The following PDE4B variants were observed in gnomAD, a reference collection of about 807,000 sequenced individuals.
The protein encoded by PDE4B is 3',5'-cyclic-AMP phosphodiesterase 4B.
Under a neutral mutation model 82.2 loss-of-function variants are expected in PDE4B, and 20 were observed. The ratio of observed to expected loss-of-function variants is 0.24; its 90% CI spans 0.17 to 0.35. The LOEUF (loss-of-function observed/expected upper bound fraction) is 0.35, where lower values mean the gene tolerates loss of function less well. Among genes scored for constraint, PDE4B ranks in the 10% least tolerant of loss-of-function variants. The pLI, the probability that PDE4B is intolerant of heterozygous loss-of-function variation, is 1.00. For missense variants in PDE4B, 655 were observed against 907.2 expected, an observed-to-expected ratio of 0.72 and a Z score of 3.57; for synonymous variants, 320 against 318.9, an observed-to-expected ratio of 1.00 and a Z score of -0.04.
chr1:65,886,005 G>A (rs564271386), intron 1 of PDE4B, among the ~76,000 whole-genome samples: 1 of 151,300 alleles, frequency 6.6e-6, no homozygotes, highest in East Asian at 1.9e-4. Context: ...TTGAATTGAG[G>A]TATGTGCTCT....
chr1:66,157,488 T>C (rs1285193247), intron 3 of PDE4B, among the ~76,000 whole-genome samples: 1 of 152,224 alleles, frequency 6.6e-6, no homozygotes, highest in Admixed American at 6.5e-5. Flanking sequence ...TCAAACTTAG[T>C]TCTACCTTAA....
intron 8 of PDE4B, among the ~76,000 whole-genome samples, chr1:66,352,455 A>T (rs1180778689): frequency 2.0e-5 from 3 of 152,196 alleles, no homozygotes; most frequent in Non-Finnish European, 4.4e-5. Context: ...GTGATTGACA[A>T]TGTATCCCAA....
chr1:66,185,930 C>G (rs976317401), intron 3 of PDE4B, among the ~76,000 whole-genome samples: 1 of 152,160 alleles, frequency 6.6e-6, no homozygotes, highest in Non-Finnish European at 1.5e-5. Context: ...TCTTGAATGG[C>G]ATTGCCTAGG....
chr1:66,324,093 G>C (rs1404088998), intron 7 of PDE4B, among the ~76,000 whole-genome samples: 1 of 152,128 alleles, frequency 6.6e-6, no homozygotes, highest in East Asian at 1.9e-4. Context: ...TAAGGGTAAG[G>C]ACATTAAAAG....
chr1:65,951,078 C>T (rs1484616271), intron 3 of PDE4B, among the ~76,000 whole-genome samples: 2 of 152,074 alleles, frequency 1.3e-5, no homozygotes, highest in African/African-American at 2.4e-5. Flanking sequence ...AATAGCATCT[C>T]TCTTCCTGGT....
Position 65,918,705 on chromosome 1 carries a change from C to A in PDE4B, c.151C>A (p.Gln51Lys), listed in dbSNP as rs1000537151. Residue 51 changes from glutamine (Q) to lysine (K), a missense_variant, in exon 3 of 17, where the codon CAG becomes AAG. Coordinates refer to ENST00000341517, the MANE Select transcript of PDE4B (RefSeq NM_002600.4). ...GAGAAGGTGTTGCTCAGGAAACTTACAGTTACCACCACTGTCTCAAAGACA... is the reference window on the plus strand; with the variant it reads ...GAGAAGGTGTTGCTCAGGAAACTTAAAGTTACCACCACTGTCTCAAAGACA... Reference protein sequence around the residue: ...RGRRCCSGNLQLPPLSQRQSE... With the variant: ...RGRRCCSGNLKLPPLSQRQSE... 4.3e-6 allele frequency: 7 copies of A among 1,612,444 alleles called. No individual in the cohort carries two copies. The South Asian group carries it at 7.7e-5, about 18-fold the overall frequency.
intron 3 of PDE4B, among the ~76,000 whole-genome samples, chr1:66,180,505 A>G (rs1308299317): frequency 6.6e-6 from 1 of 152,234 alleles, no homozygotes; most frequent in African/African-American, 2.4e-5. Context: ...AGCTCAAGTC[A>G]GGGAACTGTT....
chr1:65,922,136 T>C (rs986710642), intron 3 of PDE4B, among the ~76,000 whole-genome samples: 2 of 152,222 alleles, frequency 1.3e-5, no homozygotes, highest in African/African-American at 2.4e-5. Flanking sequence ...CCCAGTTTTA[T>C]TGGGTGACTT....
intron 1 of PDE4B, among the ~76,000 whole-genome samples, chr1:65,844,045 C>A (rs1646239965): frequency 6.6e-6 from 1 of 152,066 alleles, no homozygotes; most frequent in African/African-American, 2.4e-5. Context: ...TTCTGTTTGA[C>A]CTTCAGAGAA....
At chr1:66,094,777 T>C (rs973194306) in intron 3 of PDE4B, among the ~76,000 whole-genome samples, 2 of 152,034 alleles carry the variant, frequency 1.3e-5, no homozygotes, top group Non-Finnish European at 2.9e-5. Context: ...TAGGGCCAGC[T>C]GGCATTCTAA....
chr1:66,052,060 C>T (rs903693458), intron 3 of PDE4B, among the ~76,000 whole-genome samples: 4 of 152,162 alleles, frequency 2.6e-5, no homozygotes, highest in Admixed American at 2.0e-4. Flanking sequence ...CCTGCTTCTT[C>T]CTCATCCCTT....
chr1:66,026,428 C>T (rs752207751), intron 3 of PDE4B, among the ~76,000 whole-genome samples: 12 of 152,162 alleles, frequency 7.9e-5, no homozygotes, highest in South Asian at 2.1e-4. Context: ...AGCATAGCTT[C>T]GGGATTAAGC....
chr1:66,252,640 C>T (rs928918393), intron 4 of PDE4B, among the ~76,000 whole-genome samples: 9 of 152,242 alleles, frequency 5.9e-5, no homozygotes, highest in African/African-American at 1.9e-4. Flanking sequence ...ATGGCTTTTG[C>T]GCCATTGTGA....
chr1:66,209,190 A>G (rs1649815520), intron 3 of PDE4B, among the ~76,000 whole-genome samples: 2 of 152,346 alleles, frequency 1.3e-5, no homozygotes, highest in Non-Finnish European at 2.9e-5. Context: ...AATTGCTAAT[A>G]TCTGCTTTGC....
intron 1 of PDE4B, among the ~76,000 whole-genome samples, chr1:65,812,261 T>A (rs945223067): frequency 7.2e-5 from 11 of 152,210 alleles, no homozygotes; most frequent in Non-Finnish European, 1.6e-4. Flanking sequence ...GCTTTCAGTT[T>A]CTGCTCTGAG....
chr1:66,190,924 G>A (rs549497547), intron 3 of PDE4B, among the ~76,000 whole-genome samples: 22 of 152,192 alleles, frequency 1.4e-4, no homozygotes, highest in Non-Finnish European at 2.2e-4. Flanking sequence ...CGTCTTCTGC[G>A]TCACTCACGC....
chr1:66,129,817 A>G (rs1645903443), intron 3 of PDE4B, among the ~76,000 whole-genome samples: 1 of 152,192 alleles, frequency 6.6e-6, no homozygotes, highest in African/African-American at 2.4e-5. Flanking sequence ...TATGGGAACT[A>G]TTCCATAAAA....
intron 10 of PDE4B, among the ~76,000 whole-genome samples, chr1:66,362,023 T>C (rs1662818075): frequency 6.6e-6 from 1 of 152,090 alleles, no homozygotes; most frequent in Non-Finnish European, 1.5e-5. Context: ...CCTGGATCTC[T>C]TATGCTGGGT....
At chr1:65,956,125 T>C (rs1313559909) in intron 3 of PDE4B, among the ~76,000 whole-genome samples, 3 of 152,106 alleles carry the variant, frequency 2.0e-5, no homozygotes, top group South Asian at 2.1e-4. Flanking sequence ...CAGCAAATTC[T>C]CTCTGATATT....
Sources: gnomAD v4.1 joint callset for allele counts (sites outside exome capture counted in the v4.1 genomes callset) on GRCh38, gnomAD v4.1.1 for gene constraint, MANE v1.5 for transcripts, NCBI Gene and HGNC (gene_info 2026-07-23, HGNC 2026-07-21) for gene names.